Variants in PCDHGA2 observed in about 807,000 individuals in gnomAD.
PCDHGA2 encodes protocadherin gamma-A2.
In PCDHGA2, 40 loss-of-function variants were observed where a neutral mutation model predicts 59.2. The observed-to-expected ratio is 0.68, with a 90% CI of 0.52 to 0.88. PCDHGA2 has a LOEUF of 0.88. PCDHGA2 is among the 40% of genes least tolerant of loss of function. The pLI, the probability that PCDHGA2 is intolerant of heterozygous loss-of-function variation, is 0.00. For missense variants in PCDHGA2, 1,226 were observed against 1,204.0 expected, an observed-to-expected ratio of 1.02 and a Z score of -0.27; for synonymous variants, 560 against 526.0, an observed-to-expected ratio of 1.06 and a Z score of -0.89.
At position 141,486,735 on chromosome 5, in the gene PCDHGA2, G is replaced by T; in HGVS notation, c.2425-8072G>T. 6.2e-7 allele frequency: 1 copy of T among 1,614,176 alleles called. No individual in the cohort carries two copies. The highest frequency in any genetic ancestry group is 1.1e-5 in the South Asian group (1 of 91,086). On this transcript the variant is annotated intron_variant, in intron 1 of 3. Coordinates refer to ENST00000394576, the MANE Select transcript of PCDHGA2 (RefSeq NM_018915.4). The surrounding 1 kb of genome is among the most constrained non-coding windows in gnomAD (Gnocchi z 5.0). Reference sequence around the variant, plus strand: ...CAGACAGGAGCTGTTCATGCTACTCGATCCTTTGACTATGAGCAAACCCAG... The same window carrying T: ...CAGACAGGAGCTGTTCATGCTACTCTATCCTTTGACTATGAGCAAACCCAG...
At chr5:141,478,723 A>C in intron 1 of PCDHGA2, 16 of 1,543,220 alleles carry the variant, frequency 1.0e-5, no homozygotes, top group Non-Finnish European at 1.3e-5. Flanking sequence ...GTGGCCTGCC[A>C]GAGTGTGGTT....
At chr5:141,494,682 C>G (rs1282135022) in intron 1 of PCDHGA2, 125 bp from the exon 2 acceptor site, 16 of 1,564,362 alleles carry the variant, frequency 1.0e-5, no homozygotes, top group African/African-American at 1.4e-5. Context: ...ACCCCTGCCC[C>G]CTCTTAGTCC....
At chr5:141,371,684 A>G (rs756152313) in intron 1 of PCDHGA2, 4 of 1,614,050 alleles carry the variant, frequency 2.5e-6, no homozygotes, top group Non-Finnish European at 3.4e-6. Context: ...AAGGCAATCC[A>G]CCGCTCTCCT....
intron 1 of PCDHGA2, among the ~76,000 whole-genome samples, chr5:141,450,005 TC>T (rs2098662434): frequency 1.0e-5 from 1 of 99,604 alleles, no homozygotes; most frequent in Non-Finnish European, 1.8e-5. Flanking sequence ...TTGCCATGTC[TC>T]TTTTTTTTTT....
At chr5:141,390,207 C>T in intron 1 of PCDHGA2, 1 of 1,614,028 alleles carries the variant, frequency 6.2e-7, no homozygotes, top group Non-Finnish European at 8.5e-7. Flanking sequence ...GAGTTCAGGA[C>T]AAGACATACT....
rs1456184444 is a variant in PCDHGA2, at chr5:141,512,578, C to G, written c.*1405C>G. ...ATAGACCTTCTTCTCCCACCCCCTT[C>G]TGCCCCTGGGTCCCCGGCCATCCAG... On this transcript the variant is annotated 3_prime_UTR_variant, in exon 4 of 4. Coordinates refer to ENST00000394576, the MANE Select transcript of PCDHGA2 (RefSeq NM_018915.4). The G allele has an allele frequency of 6.5e-6, 1 of 153,062 alleles. No individual in the cohort carries two copies. The highest frequency in any genetic ancestry group is 1.5e-5 in the Non-Finnish European group (1 of 68,534). 9.5% of individuals were successfully genotyped at this position (153,062 alleles called of 1,614,324 possible). A position where few individuals can be genotyped will look rare whatever the true frequency, so the allele number is the denominator to read the frequency against.
At position 141,511,239 on chromosome 5, in the gene PCDHGA2, C is replaced by A; in HGVS notation, c.*66C>A. On this transcript the variant is annotated 3_prime_UTR_variant, in exon 4 of 4. Coordinates refer to ENST00000394576, the MANE Select transcript of PCDHGA2 (RefSeq NM_018915.4). ...AACCAGCCCAGCTTCTCCTTACCTG[C>A]ACCCAGGCCTCAGAGTTTCAGGGCT... 1 of 1,587,938 alleles carries A rather than the reference C, an allele frequency of 6.3e-7. No homozygotes were observed. Among genetic ancestry groups the A allele is most frequent in the Admixed American group, 1.8e-5 (1 of 55,480 alleles).
At position 141,463,977 on chromosome 5, in the gene PCDHGA2, T is replaced by C. The variant is rs948698340; in HGVS notation, c.2425-30830T>C. On this transcript the variant is annotated intron_variant, in intron 1 of 3. Coordinates refer to ENST00000394576, the MANE Select transcript of PCDHGA2 (RefSeq NM_018915.4). ...TTTAAAATAGCTTCATAAAACTCCA[T>C]TGTAAAAACCAGGTGCAGTGGCTCA... Among the ~76,000 whole-genome samples the C allele has an allele frequency of 2.6e-5, 4 of 152,258 alleles. 1 individual carries two copies. The highest frequency in any genetic ancestry group is 4.4e-5 in the Non-Finnish European group (3 of 68,004).
intron 1 of PCDHGA2, chr5:141,420,193 A>G: frequency 6.2e-7 from 1 of 1,613,766 alleles, no homozygotes; most frequent in South Asian, 1.1e-5. Context: ...CAGCCACACA[A>G]GATAACCTCA....
intron 1 of PCDHGA2, among the ~76,000 whole-genome samples, chr5:141,429,654 T>C (rs1373502548): frequency 6.6e-6 from 1 of 152,232 alleles, no homozygotes; most frequent in Non-Finnish European, 1.5e-5. Context: ...TTCTTCCCAA[T>C]TTAAAATATA....
At chr5:141,509,481 A>G (rs2099877035) in intron 3 of PCDHGA2, among the ~76,000 whole-genome samples, 1 of 152,010 alleles carries the variant, frequency 6.6e-6, no homozygotes, top group Admixed American at 6.6e-5. Flanking sequence ...TGAGGGGTAG[A>G]GGTGATGGCA....
chr5:141,422,655 C>T (rs188587553), intron 1 of PCDHGA2: 2 of 1,610,120 alleles, frequency 1.2e-6, no homozygotes, highest in Admixed American at 3.3e-5. Flanking sequence ...TCTCAGTGAC[C>T]GCCCTCGACC....
chr5:141,377,619 G>T (rs1248552210), intron 1 of PCDHGA2: 2 of 145,890 alleles, frequency 1.4e-5, no homozygotes, highest in Admixed American at 1.4e-4. Flanking sequence ...AAAAAAAAAA[G>T]ATTTTGTTTT....
chr5:141,370,376 C>T, intron 1 of PCDHGA2: 1 of 1,527,960 alleles, frequency 6.5e-7, no homozygotes, highest in Non-Finnish European at 8.8e-7. Flanking sequence ...TTTAGAAAGG[C>T]AAAGGCGCAG....
At chr5:141,429,396 T>A (rs2097212352) in intron 1 of PCDHGA2, among the ~76,000 whole-genome samples, 1 of 151,520 alleles carries the variant, frequency 6.6e-6, no homozygotes, top group African/African-American at 2.4e-5. Context: ...TTAAAAAAAA[T>A]TGAGATTAAG....
intron 1 of PCDHGA2, chr5:141,403,589 A>G (rs1447316737): frequency 1.2e-6 from 2 of 1,613,812 alleles, no homozygotes; most frequent in East Asian, 2.2e-5. Context: ...CCTGGTCCTC[A>G]CGGCCTCGGA....
At chr5:141,430,767 C>T in intron 1 of PCDHGA2, 1 of 1,506,782 alleles carries the variant, frequency 6.6e-7, no homozygotes, top group Non-Finnish European at 8.9e-7. Flanking sequence ...AGAATGATTC[C>T]TGCGCGACTG....
rs753973847 is a variant in PCDHGA2, at chr5:141,340,765, G to A, written c.1794G>A (p.Ser598=). The A allele has an allele frequency of 3.1e-6, 5 of 1,613,690 alleles. No individual in the cohort carries two copies. Among genetic ancestry groups the A allele is most frequent in the East Asian group, 2.2e-5 (1 of 44,852 alleles). The change falls in exon 1 of 4, where the codon TCG becomes TCA. Residue 598 remains serine (S), a synonymous_variant. Coordinates refer to ENST00000394576, the MANE Select transcript of PCDHGA2 (RefSeq NM_018915.4). ...VTKVVAVDRD[S]GQNAWLSYHL... is the part of the protein sequence containing the mutation. ...AGGTGGTGGCGGTGGACAGAGACTCGGGCCAGAACGCCTGGCTGTCTTACC... is the reference window on the plus strand; with the variant it reads ...AGGTGGTGGCGGTGGACAGAGACTCAGGCCAGAACGCCTGGCTGTCTTACC...
chr5:141,410,079 T>A, intron 1 of PCDHGA2: 1 of 1,612,494 alleles, frequency 6.2e-7, no homozygotes, highest in Non-Finnish European at 8.5e-7. Context: ...ACTGGGGAGG[T>A]GCGCACGGCT....
Sources: allele counts gnomAD v4.1 joint callset (sites outside exome capture counted in the v4.1 genomes callset), GRCh38; gene constraint gnomAD v4.1.1; non-coding constraint Gnocchi (gnomAD v3.1); transcripts MANE v1.5; gene names NCBI Gene and HGNC (gene_info 2026-07-23, HGNC 2026-07-21).